The following SH2B1 variants were observed in gnomAD, a reference collection of about 807,000 sequenced individuals.
SH2B1 encodes SH2B adaptor protein 1, also known as SH2B adapter protein 1.
Under a neutral mutation model 62.6 loss-of-function variants are expected in SH2B1, and 15 were observed. That is an observed-to-expected ratio of 0.24 (90% CI 0.16 to 0.37). The LOEUF is 0.37. Ranked by LOEUF, SH2B1 falls within the 10% of genes least tolerant of loss-of-function variation. SH2B1 has a pLI of 1.00. For synonymous variants in SH2B1, 443 were observed against 438.0 expected (o/e 1.01, Z -0.14); for missense variants, 925 against 1,015.6 (o/e 0.91, Z 1.21).
rs202043130 is a variant in SH2B1 at position 28,869,231 on chromosome 16, G to A, written c.1157G>A (p.Arg386His). The A allele has an allele frequency of 9.3e-6, 15 of 1,614,012 alleles. No homozygotes were observed. Among genetic ancestry groups the A allele is most frequent in the Middle Eastern group, 1.6e-4 (1 of 6,062 alleles). The change falls in exon 4 of 8, where the codon CGC becomes CAC. Residue 386 changes from arginine to histidine, a missense_variant. Transcript: ENST00000684370. ...AGACCCTGCCCTGCTACCAGTCCCC[G>A]CCCCATGACCCTCCCTCTGGCCCCT... ...SPGPCPATSP[R>H]PMTLPLAPGT...
chr16:28,847,951 G>T (rs564713782), intron 1 of SH2B1, among the ~76,000 whole-genome samples: 1 of 149,748 alleles, frequency 6.7e-6, no homozygotes, highest in African/African-American at 2.5e-5. Flanking sequence ...TCAGCCTCCT[G>T]AGTAGCTGGG....
At chr16:28,850,455 A>C (rs917592053) in intron 1 of SH2B1, among the ~76,000 whole-genome samples, 1 of 152,206 alleles carries the variant, frequency 6.6e-6, no homozygotes, top group African/African-American at 2.4e-5. Flanking sequence ...AATCCCAGTT[A>C]CTGGGGAGGC....
chr16:28,847,812 C>T (rs959008789), intron 1 of SH2B1, among the ~76,000 whole-genome samples: 2 of 149,602 alleles, frequency 1.3e-5, no homozygotes, highest in East Asian at 3.9e-4. Context: ...GAGAAAGACC[C>T]CATCTTTTTT....
chr16:28,852,300 TTACA>T (rs1326293888), intron 1 of SH2B1, among the ~76,000 whole-genome samples: 2 of 84,672 alleles, frequency 2.4e-5, no homozygotes, highest in African/African-American at 4.9e-5. Flanking sequence ...ATATATATAT[TTACA>T]TATATATATT....
At chr16:28,852,357 T>TATATAC (rs1344612764) in intron 1 of SH2B1, among the ~76,000 whole-genome samples, 6 of 88,368 alleles carry the variant, frequency 6.8e-5, no homozygotes, top group African/African-American at 3.1e-4. Context: ...TATATTTATA[T>TATATAC]ATATATTTAT....
At chr16:28,852,795 TACA>T (rs1962188022) in intron 1 of SH2B1, among the ~76,000 whole-genome samples, 4 of 82,486 alleles carry the variant, frequency 4.8e-5, no homozygotes, top group Admixed American at 2.2e-4. Context: ...CATATATATT[TACA>T]TATATATTTA....
Position 28,865,337 on chromosome 16 carries a change from A to G in SH2B1, c.-758A>G. On this transcript the variant is annotated 5_prime_UTR_variant, in exon 1 of 8. Transcript: ENST00000684370. Reference sequence around the variant, plus strand: ...GGACTCTGGGGTCAGCTTTCAAGACAATTACTGTTTTGGTCCATCATGCAT... The same window carrying G: ...GGACTCTGGGGTCAGCTTTCAAGACGATTACTGTTTTGGTCCATCATGCAT... 1 of 985,664 alleles carries G rather than the reference A, an allele frequency of 1.0e-6. No homozygotes were observed. Among genetic ancestry groups the G allele is most frequent in the Non-Finnish European group, 1.2e-6 (1 of 829,994 alleles). 61.1% of individuals were successfully genotyped at this position (985,664 alleles called of 1,614,324 possible). A position where few individuals can be genotyped will look rare whatever the true frequency, so the allele number is the denominator to read the frequency against.
chr16:28,865,859 T>A lies in SH2B1; in HGVS notation c.-236T>A. 7.7e-7 allele frequency: 1 copy of A among 1,300,450 alleles called. No individual in the cohort carries two copies. The highest frequency in any genetic ancestry group is 2.3e-5 in the South Asian group (1 of 43,410). The allele number at this position is 1,300,450 out of a possible 1,614,324, so 80.6% of individuals were successfully genotyped here. On this transcript the variant is annotated 5_prime_UTR_variant, in exon 1 of 8. Transcript: ENST00000684370. ...GGCTGGGGCCTGCAGGGTGCCAGGA[T>A]CTGGGAGAGGGAAGGGAGGTGTTGG...
In SH2B1 at chr16:28,866,805, G is replaced by GGGC; in HGVS notation, c.713_715dup (p.Gly238dup). 1 of 1,583,106 alleles carries GGGC rather than the reference G, an allele frequency of 6.3e-7. No homozygotes were observed. The highest frequency in any genetic ancestry group is 2.2e-5 in the East Asian group (1 of 44,700). ...AGAGGCTGAGACTCAGTCGGGGAGG[G>GGGC]GGCGCCTTGAAGGATGGAGCAGGGA... On this transcript the variant is annotated inframe_insertion, in exon 1 of 8. Coordinates refer to ENST00000684370, the MANE Select transcript of SH2B1 (RefSeq NM_001387430.1). This position sits in a 1 kb window ranked among gnomAD's most constrained non-coding sequence, Gnocchi z 6.3.
intron 4 of SH2B1, among the ~76,000 whole-genome samples, chr16:28,870,994 C>CGTGTGTGTGTGTGTGTGT (rs35079060): frequency 2.8e-5 from 4 of 141,424 alleles, no homozygotes; most frequent in Non-Finnish European, 6.2e-5. Context: ...GCCAGAATTC[C>CGTGTGTGTGTGTGTGTGT]GTGTGTGTGT....
chr16:28,872,175 C>T lies in SH2B1; in HGVS notation c.1514-15C>T. 2.5e-6 allele frequency: 4 copies of T among 1,607,694 alleles called. No homozygotes were observed. Among genetic ancestry groups the T allele is most frequent in the Non-Finnish European group, 3.4e-6 (4 of 1,176,388 alleles). The stretch of plus-strand genomic sequence containing the variant: ...CCCTGACACCCCGGTTTCCCTCCCT[C>T]TCTCCTTCCTGAAGGGTCCTTCCTG... On this transcript the variant is annotated splice_polypyrimidine_tract_variant and intron_variant, in intron 5 of 7. Transcript: ENST00000684370. This position sits in a 1 kb window ranked among gnomAD's most constrained non-coding sequence, Gnocchi z 5.3.
rs1596619544 is a variant in SH2B1, at chr16:28,864,180, C to T, written c.-1915C>T. On this transcript the variant is annotated 5_prime_UTR_variant, in exon 1 of 8. Transcript: ENST00000684370. ...GGTCGGATCGGAGTATATGGACCAC[C>T]GGGCCCGGAGGGTCCGAGCCGAGAG... 1.9e-6 allele frequency: 2 copies of T among 1,069,668 alleles called. No individual in the cohort carries two copies. The highest frequency in any genetic ancestry group is 2.3e-6 in the Non-Finnish European group (2 of 881,564). The allele number at this position is 1,069,668 out of a possible 1,614,324, so 66.3% of individuals were successfully genotyped here.
Position 28,864,196 on chromosome 16 carries a change from G to C in SH2B1, c.-1899G>C. The C allele has an allele frequency of 1.9e-6, 2 of 1,054,632 alleles. No homozygotes were observed. The highest frequency in any genetic ancestry group is 6.1e-5 in the South Asian group (2 of 32,604). The allele number at this position is 1,054,632 out of a possible 1,614,324, so 65.3% of individuals were successfully genotyped here. On this transcript the variant is annotated 5_prime_UTR_variant, in exon 1 of 8. Coordinates refer to ENST00000684370, the MANE Select transcript of SH2B1 (RefSeq NM_001387430.1). Reference sequence around the variant, plus strand: ...ATGGACCACCGGGCCCGGAGGGTCCGAGCCGAGAGCGGAGCCTGCACCCTC... The same window carrying C: ...ATGGACCACCGGGCCCGGAGGGTCCCAGCCGAGAGCGGAGCCTGCACCCTC...
At chr16:28,862,304 A>G (rs1316758335), upstream of SH2B1, 5 of 151,850 alleles carry the variant, frequency 3.3e-5, no homozygotes, top group African/African-American at 1.2e-4. Flanking sequence ...TATTATTGTT[A>G]TTATTTTTGA....
At chr16:28,862,118 G>A (rs1343092746), upstream of SH2B1, 1 of 152,192 alleles carries the variant, frequency 6.6e-6, no homozygotes, top group Non-Finnish European at 1.5e-5. Flanking sequence ...TAGGCCAGCT[G>A]GAGCCGGGTC....
chr16:28,847,067 C>T lies in SH2B1; in HGVS notation c.-301+240C>T, dbSNP rs1043065055. Among the ~76,000 whole-genome samples the T allele has an allele frequency of 3.9e-5, 6 of 152,328 alleles. No individual in the cohort carries two copies. In the East Asian group the frequency reaches 7.7e-4, roughly 20 times the overall value. Reference sequence around the variant, plus strand: ...CCTCACAGGGCCAGAGCCCACAAGACAGACAGCTTCGCTGCCCACCCCTGT... The same window carrying T: ...CCTCACAGGGCCAGAGCCCACAAGATAGACAGCTTCGCTGCCCACCCCTGT... On this transcript the variant is annotated intron_variant, in intron 1 of 10. Coordinates refer to the SH2B1 transcript ENST00000322610.
chr16:28,853,177 T>G (rs1962244622), intron 1 of SH2B1, among the ~76,000 whole-genome samples: 1 of 137,346 alleles, frequency 7.3e-6, no homozygotes, highest in African/African-American at 2.7e-5. Context: ...TATATATATA[T>G]TTTTTGGGTA....
At chr16:28,853,188 C>T (rs1340827264) in intron 1 of SH2B1, among the ~76,000 whole-genome samples, 18 of 131,200 alleles carry the variant, frequency 1.4e-4, no homozygotes, top group African/African-American at 2.3e-4. Context: ...TTTTTGGGTA[C>T]GGAGTCTTGC....
chr16:28,867,517 A>T, intron 2 of SH2B1, 85 bp downstream of exon 2: 1 of 984,118 alleles, frequency 1.0e-6, no homozygotes, highest in Non-Finnish European at 1.6e-6. Flanking sequence ...CGTCGCCGAA[A>T]GGAGGTATAT....
Sources: gnomAD v4.1 joint callset for allele counts (sites outside exome capture counted in the v4.1 genomes callset) on GRCh38, gnomAD v4.1.1 for gene constraint, Gnocchi (gnomAD v3.1) non-coding constraint, MANE v1.5 for transcripts, NCBI Gene and HGNC (gene_info 2026-07-23, HGNC 2026-07-21) for gene names.